DGKI: variants seen among roughly 807,000 people sequenced by gnomAD.
The protein encoded by DGKI is DAG kinase iota.
A neutral mutation model predicts 147.5 loss-of-function variants in DGKI; 55 were observed. The ratio of observed to expected loss-of-function variants is 0.37; its 90% CI spans 0.30 to 0.47. DGKI has a LOEUF of 0.47. Ranked by LOEUF, DGKI falls within the 20% of genes least tolerant of loss-of-function variation. DGKI has a pLI of 1.00. For synonymous variants in DGKI, 469 were observed against 477.1 expected (o/e 0.98, Z 0.22); for missense variants, 1,007 against 1,323.8 (o/e 0.76, Z 3.71).
intron 1 of DGKI, among the ~76,000 whole-genome samples, chr7:137,758,238 G>C (rs537797008): frequency 3.5e-4 from 54 of 152,332 alleles, no homozygotes; most frequent in African/African-American, 1.2e-3. Flanking sequence ...ATGAGCCCCT[G>C]GGTGAGCTAT....
At chr7:137,721,887 A>G in intron 1 of DGKI, 1 of 729,066 alleles carries the variant, frequency 1.4e-6, no homozygotes, top group South Asian at 2.0e-5. Flanking sequence ...CAGAATGCTA[A>G]CTTCTGCCTA....
At chr7:137,642,824 A>T (rs190063552) in intron 6 of DGKI, among the ~76,000 whole-genome samples, 16 of 152,148 alleles carry the variant, frequency 1.1e-4, no homozygotes, top group African/African-American at 3.6e-4. Flanking sequence ...AACACTTCCT[A>T]AAAAATCTGT....
At chr7:137,573,656 T>C (rs981881791) in intron 17 of DGKI, among the ~76,000 whole-genome samples, 1 of 152,180 alleles carries the variant, frequency 6.6e-6, no homozygotes, top group African/African-American at 2.4e-5. Context: ...CCACCCGCCT[T>C]GGCCTCACAA....
intron 5 of DGKI, among the ~76,000 whole-genome samples, chr7:137,654,091 G>C (rs965818360): frequency 1.3e-5 from 2 of 152,204 alleles, no homozygotes; most frequent in African/African-American, 4.8e-5. Flanking sequence ...TAACACATCA[G>C]TAACAACTCT....
At position 137,394,809 on chromosome 7, in the gene DGKI, T is replaced by C. The variant is rs11982612; in HGVS notation, c.3057+789A>G. On this transcript the variant is annotated intron_variant, in intron 32 of 32. Coordinates refer to ENST00000614521, the MANE Select transcript of DGKI (RefSeq NM_001321708.2). Reference sequence around the variant, plus strand: ...ATCACTGTACCTCAACAAAACAGACTCCATAAACAAACCGATTTTGTTATG... The same window carrying C: ...ATCACTGTACCTCAACAAAACAGACCCCATAAACAAACCGATTTTGTTATG... Among the ~76,000 whole-genome samples, 252 of 152,260 alleles carry C rather than the reference T, an allele frequency of 1.7e-3. 1 individual carries two copies. Among genetic ancestry groups the C allele is most frequent in the Non-Finnish European group, 2.9e-3 (197 of 68,020 alleles).
chr7:137,689,840 A>T (rs1235951312), intron 2 of DGKI, 54 bp downstream of exon 2: 2 of 1,228,864 alleles, frequency 1.6e-6, no homozygotes, highest in African/African-American at 3.1e-5. Flanking sequence ...CCTGAGAATG[A>T]GAGACACAAA....
intron 19 of DGKI, among the ~76,000 whole-genome samples, chr7:137,558,284 A>T (rs74804055): frequency 0.11 from 16,574 of 151,780 alleles, 2,026 homozygotes; most frequent in African/African-American, 0.3. Context: ...TATTTTATTT[A>T]TTTATTTATG....
intron 1 of DGKI, among the ~76,000 whole-genome samples, chr7:137,842,832 A>G (rs955118696): frequency 4.6e-5 from 7 of 152,190 alleles, no homozygotes; most frequent in African/African-American, 1.7e-4. Context: ...AAGCCAAAAA[A>G]AGGTATGCAA....
intron 1 of DGKI, among the ~76,000 whole-genome samples, chr7:137,813,641 C>A (rs1344538852): frequency 3.3e-5 from 5 of 152,192 alleles, no homozygotes; most frequent in Non-Finnish European, 5.9e-5. Context: ...CCAGTCTTAT[C>A]ATATTCTCTA....
chr7:137,701,669 A>G (rs2116514270), intron 1 of DGKI, among the ~76,000 whole-genome samples: 1 of 152,276 alleles, frequency 6.6e-6, no homozygotes, highest in African/African-American at 2.4e-5. Flanking sequence ...TGAAAACTAT[A>G]AAACATCACT....
intron 21 of DGKI, among the ~76,000 whole-genome samples, chr7:137,488,577 G>T (rs750259636): frequency 3.3e-5 from 5 of 152,086 alleles, no homozygotes; most frequent in Non-Finnish European, 5.9e-5. Flanking sequence ...TTAAATCCAT[G>T]ATCTAACATA....
chr7:137,592,133 G>A (rs1209318161), intron 12 of DGKI, among the ~76,000 whole-genome samples: 2 of 152,130 alleles, frequency 1.3e-5, no homozygotes, highest in Non-Finnish European at 2.9e-5. Context: ...ACAGTAATCC[G>A]GAACCCGTTT....
chr7:137,418,608 T>C (rs988844688), intron 28 of DGKI, among the ~76,000 whole-genome samples: 2 of 151,936 alleles, frequency 1.3e-5, no homozygotes, highest in Non-Finnish European at 2.9e-5. Flanking sequence ...TGAACACTTA[T>C]GTCTATTTTT....
intron 17 of DGKI, 48 bp from the exon 18 acceptor site, chr7:137,572,886 A>G (rs777034848): frequency 7.2e-7 from 1 of 1,388,042 alleles, no homozygotes; most frequent in Non-Finnish European, 1.0e-6. Flanking sequence ...TCACAAGTCT[A>G]AAAACCTATG....
chr7:137,472,633 A>T (rs1179922130), intron 23 of DGKI, among the ~76,000 whole-genome samples: 2 of 151,436 alleles, frequency 1.3e-5, no homozygotes, highest in Non-Finnish European at 2.9e-5. Context: ...ATGTGTGACA[A>T]CTTGTTTTAA....
Position 137,597,833 on chromosome 7 carries a change from T to C in DGKI, c.1311+14A>G. The C allele has an allele frequency of 6.2e-7, 1 of 1,613,094 alleles. No homozygotes were observed. Among genetic ancestry groups the C allele is most frequent in the Non-Finnish European group, 8.5e-7 (1 of 1,179,262 alleles). On this transcript the variant is annotated intron_variant, in intron 12 of 32. Transcript: ENST00000614521. ...AGAATTGGCAGAGAACTGGATTCTC[T>C]CTCAGGGACCTACCGTTCCATCCCC... is the stretch of plus-strand genomic sequence containing the variant.
intron 29 of DGKI, 112 bp from the exon 30 acceptor site, chr7:137,408,107 G>A: frequency 7.6e-7 from 1 of 1,312,012 alleles, no homozygotes; most frequent in Non-Finnish European, 1.0e-6. Flanking sequence ...TCCAGCCTTA[G>A]AGGACATAGA....
At chr7:137,619,637 C>G (rs1418724459) in intron 8 of DGKI, among the ~76,000 whole-genome samples, 187 bp downstream of exon 8, 3 of 152,132 alleles carry the variant, frequency 2.0e-5, no homozygotes, top group African/African-American at 7.2e-5. Flanking sequence ...GAGGCTGGTT[C>G]CATGAGAGAG....
At position 137,845,844 on chromosome 7, in the gene DGKI, A is replaced by T. The variant is rs548712546; in HGVS notation, c.401+618T>A. On this transcript the variant is annotated intron_variant, in intron 1 of 32. Transcript: ENST00000614521. The stretch of plus-strand genomic sequence containing the variant: ...GGAGAGAGGCAAGGAGCACGCAGGC[A>T]TGGAGCCCCCATAACCAGTGGCGCA... Among the ~76,000 whole-genome samples, 6 of 152,216 alleles carry T rather than the reference A, an allele frequency of 3.9e-5. No individual in the cohort carries two copies. In the East Asian group the frequency reaches 5.8e-4, roughly 15 times the overall value.
Sources: allele counts gnomAD v4.1 joint callset (sites outside exome capture counted in the v4.1 genomes callset), GRCh38; gene constraint gnomAD v4.1.1; transcripts MANE v1.5; gene names NCBI Gene and HGNC (gene_info 2026-07-23, HGNC 2026-07-21).